OGT: variants seen among roughly 807,000 people sequenced by gnomAD.
OGT encodes O-linked N-acetylglucosamine (GlcNAc) transferase.
In OGT, 3 loss-of-function variants were observed where a neutral mutation model predicts 75.8. That is an observed-to-expected ratio of 0.04 (90% CI 0.02 to 0.10). The LOEUF is 0.10. OGT is among the 10% of genes least tolerant of loss of function. The pLI, the probability that OGT is intolerant of heterozygous loss-of-function variation, is 1.00. For missense variants in OGT, 260 were observed against 824.4 expected (o/e 0.32, Z 8.38); for synonymous variants, 257 against 289.7 (o/e 0.89, Z 1.15).
At chrX:71,547,099 C>T (rs763849796) in intron 4 of OGT, 64 of 753,197 alleles carry the variant, frequency 8.5e-5, no homozygotes, top group Non-Finnish European at 1.0e-4. Context: ...TGTTTGCGCT[C>T]GCATTACAGG....
intron 2 of OGT, 126 bp from the exon 3 acceptor site, chrX:71,537,703 G>C: frequency 2.5e-6 from 2 of 814,078 alleles, no homozygotes; most frequent in Non-Finnish European, 3.5e-6. Context: ...CTATGCACTA[G>C]TTAAAAGATA....
chrX:71,558,517 C>T (rs1367912176), intron 12 of OGT, among the ~76,000 whole-genome samples: 1 of 109,907 alleles, frequency 9.1e-6, no homozygotes, highest in African/African-American at 3.3e-5. Context: ...TGTGCCACCA[C>T]GCCTGGCTAA....
chrX:71,565,239 T>G (rs1469445452), intron 19 of OGT, among the ~76,000 whole-genome samples: 1 of 112,154 alleles, frequency 8.9e-6, no homozygotes, highest in African/African-American at 3.2e-5. Context: ...TATGCCCTTT[T>G]TTTAAAAAAC....
Position 71,544,434 on chromosome X carries a change from A to C in OGT, c.463-133A>C, listed in dbSNP as rs773975440. The C allele has an allele frequency of 2.0e-3, 1,165 of 582,167 alleles. 1 individual carries two copies. Among genetic ancestry groups the C allele is most frequent in the Non-Finnish European group, 2.7e-3 (1,021 of 372,114 alleles). 48.0% of individuals were successfully genotyped at this position (582,167 alleles called of 1,213,427 possible). Reference sequence around the variant, plus strand: ...TGTGGATGAGGGGTTGTGGTCCTGCACTGAAGTTTGTCAGGCAGTATCTTT... The same window carrying C: ...TGTGGATGAGGGGTTGTGGTCCTGCCCTGAAGTTTGTCAGGCAGTATCTTT... On this transcript the variant is annotated intron_variant, in intron 3 of 21. Coordinates refer to ENST00000373719, the MANE Select transcript of OGT (RefSeq NM_181672.3).
rs758184265 is a variant in OGT at position 71,564,690 on chromosome X, C to T, written c.2526C>T (p.Ile842=). The part of the protein sequence containing the change: ...RSQYGLPEDA[I]VYCNFNQLYK... ...AGTACGGGTTACCAGAAGATGCCAT[C>T]GTATACTGTAACTTTAATCAGTTGT... is the stretch of plus-strand genomic sequence containing the variant. The change falls in exon 19 of 22, where the codon ATC becomes ATT. Residue 842 remains isoleucine, a synonymous_variant. Transcript: ENST00000373719. 38 of 1,201,462 alleles carry T rather than the reference C, an allele frequency of 3.2e-5. No individual in the cohort carries two copies. The highest frequency in any genetic ancestry group is 3.0e-4 in the South Asian group (17 of 56,428).
chrX:71,543,758 GTGTGTGTGTA>G lies in OGT; in HGVS notation c.463-807_463-798del, dbSNP rs1186012565. ...GATGTGTGTGTGTGTGTGTGTGTGT[GTGTGTGTGTA>G]TATATATATATATATATATATATAT... On this transcript the variant is annotated intron_variant, in intron 3 of 21. Transcript: ENST00000373719. Among the ~76,000 whole-genome samples the G allele has an allele frequency of 4.7e-5, 3 of 63,356 alleles. No homozygotes were observed. In the East Asian group the frequency reaches 2.7e-3, roughly 57 times the overall value. 55.0% of individuals were successfully genotyped at this position (63,356 alleles called of 115,157 possible).
intron 5 of OGT, among the ~76,000 whole-genome samples, chrX:71,550,343 T>C (rs2040294157): frequency 8.9e-6 from 1 of 112,528 alleles, no homozygotes; most frequent in Non-Finnish European, 1.9e-5. Flanking sequence ...ATGTTGAGCA[T>C]ATTTTTTATA....
At chrX:71,555,897 A>G (rs1741913267) in intron 7 of OGT, 57 bp from the exon 8 acceptor site, 6 of 1,158,481 alleles carry the variant, frequency 5.2e-6, no homozygotes, top group Non-Finnish European at 7.0e-6. Flanking sequence ...TTAGAACAGT[A>G]TCAGTGGAGG....
intron 9 of OGT, 55 bp downstream of exon 9, chrX:71,556,835 G>A: frequency 9.6e-7 from 1 of 1,041,122 alleles, no homozygotes. Flanking sequence ...TAAAATGTTT[G>A]ACATTCGGCA....
At chrX:71,561,030 C>A (rs1220327500) in intron 14 of OGT, among the ~76,000 whole-genome samples, 1 of 109,644 alleles carries the variant, frequency 9.1e-6, no homozygotes. Context: ...CAGGTTCAAG[C>A]GATTCTCTTG....
intron 21 of OGT, among the ~76,000 whole-genome samples, chrX:71,569,735 T>C (rs917665361): frequency 1.8e-5 from 2 of 110,235 alleles, no homozygotes; most frequent in African/African-American, 6.6e-5. Flanking sequence ...ATTTCTTTTT[T>C]CTTTTCCTTT....
intron 3 of OGT, among the ~76,000 whole-genome samples, chrX:71,541,994 AC>A (rs763639735): frequency 9.0e-6 from 1 of 111,621 alleles, no homozygotes; most frequent in East Asian, 2.8e-4. Flanking sequence ...CCCAGCTTAA[AC>A]TTCTCTTATG....
In OGT at chrX:71,562,836, A is replaced by AT. The variant is rs1393526846; in HGVS notation, c.1978-4dup. ...AAGTTCTTAATCAGTTTTTGATCTGATTTTTTTAAGGCAATGTGGCTGGGA... is the reference window on the plus strand; with the variant it reads ...AAGTTCTTAATCAGTTTTTGATCTGATTTTTTTTAAGGCAATGTGGCTGGGA... On this transcript the variant is annotated splice_polypyrimidine_tract_variant and intron_variant, in intron 15 of 21. Transcript: ENST00000373719. 1.7e-6 allele frequency: 2 copies of AT among 1,178,008 alleles called. No homozygotes were observed. The highest frequency in any genetic ancestry group is 1.9e-5 in the South Asian group (1 of 52,333).
At chrX:71,550,266 A>C (rs1420073902) in intron 5 of OGT, among the ~76,000 whole-genome samples, 1 of 112,596 alleles carries the variant, frequency 8.9e-6, no homozygotes, top group Non-Finnish European at 1.9e-5. Flanking sequence ...CCTTTTGATG[A>C]TAGCTATACT....
chrX:71,541,198 C>T (rs899427416), intron 3 of OGT, among the ~76,000 whole-genome samples: 1 of 112,023 alleles, frequency 8.9e-6, no homozygotes, highest in African/African-American at 3.2e-5. Flanking sequence ...TGTGGATGCA[C>T]AGAATGGAGA....
chrX:71,562,856 C>T lies in OGT; in HGVS notation c.1987C>T (p.Leu663=). ...LRPAPIQAMW[L]GYPGTSGALF... ...ATCTGATTTTTTTAAGGCAATGTGG[C>T]TGGGATACCCTGGGACGAGTGGTGC... Residue 663 remains leucine, a synonymous_variant, in exon 16 of 22, where the codon CTG becomes TTG. Coordinates refer to ENST00000373719, the MANE Select transcript of OGT (RefSeq NM_181672.3). 1 of 1,182,477 alleles carries T rather than the reference C, an allele frequency of 8.5e-7. No individual in the cohort carries two copies. The highest frequency in any genetic ancestry group is 1.1e-6 in the Non-Finnish European group (1 of 877,309).
chrX:71,560,447 T>A (rs1049938242), intron 14 of OGT, among the ~76,000 whole-genome samples: 57 of 110,759 alleles, frequency 5.1e-4, no homozygotes, highest in Admixed American at 4.6e-3. Context: ...ATTTGCTGAG[T>A]ATGTAGGCTA....
At chrX:71,559,491 G>A (rs1363302824) in intron 13 of OGT, 66 bp downstream of exon 13, 2 of 1,140,722 alleles carry the variant, frequency 1.8e-6, no homozygotes, top group East Asian at 6.0e-5. Context: ...ATGTTGGCTT[G>A]TCACCATGAG....
intron 15 of OGT, among the ~76,000 whole-genome samples, chrX:71,562,388 T>G (rs2040390771): frequency 8.9e-6 from 1 of 112,765 alleles, no homozygotes; most frequent in African/African-American, 3.2e-5. Flanking sequence ...TTGCTTAAGC[T>G]TAGGAGTTTG....
Sources: allele counts gnomAD v4.1 joint callset (sites outside exome capture counted in the v4.1 genomes callset), GRCh38; gene constraint gnomAD v4.1.1; transcripts MANE v1.5; gene names NCBI Gene and HGNC (gene_info 2026-07-23, HGNC 2026-07-21).